STK32B: variants seen among roughly 807,000 people sequenced by gnomAD.
The protein encoded by STK32B is serine/threonine kinase 32B, also known as serine/threonine-protein kinase 32B.
STK32B carries 43 observed loss-of-function variants against 52.6 expected under a neutral mutation model. The ratio of observed to expected loss-of-function variants is 0.82; its 90% confidence interval spans 0.64 to 1.05. The LOEUF is 1.05. Among genes scored for constraint, STK32B ranks in the 50% least tolerant of loss-of-function variants. The pLI is 0.00. For synonymous variants in STK32B, 238 were observed against 204.3 expected, an observed-to-expected ratio of 1.17 and a Z score of -1.41; for missense variants, 621 against 534.6, an observed-to-expected ratio of 1.16 and a Z score of -1.59.
At chr4:5,232,275 A>T (rs1724324586) in intron 3 of STK32B, among the ~76,000 whole-genome samples, 2 of 152,208 alleles carry the variant, frequency 1.3e-5, no homozygotes. Context: ...ATGATTTAAT[A>T]ATATGTGGAC....
At chr4:5,337,147 T>A (rs940153250) in intron 4 of STK32B, among the ~76,000 whole-genome samples, 1 of 17,280 alleles carries the variant, frequency 5.8e-5, no homozygotes, top group Non-Finnish European at 8.3e-4. Context: ...CCTGGCCAAT[T>A]TTTTTTTTTT....
At chr4:5,436,859 C>A (rs550782319) in intron 6 of STK32B, among the ~76,000 whole-genome samples, 1 of 152,126 alleles carries the variant, frequency 6.6e-6, no homozygotes, top group African/African-American at 2.4e-5. Flanking sequence ...GTGGAGAACA[C>A]GATGAGTTTC....
rs564540081 is a variant in STK32B at position 5,420,842 on chromosome 4, T to C, written c.562+3908T>C. Among the ~76,000 whole-genome samples the C allele has an allele frequency of 7.2e-5, 11 of 152,262 alleles. No homozygotes were observed. In the South Asian group the frequency reaches 1.0e-3, roughly 14 times the overall value. ...ATGCTGTTTCCGAAAAGCAAATTGATGTCAAGGAGTGTAGATCCTGGACCA... is the reference window on the plus strand; with the variant it reads ...ATGCTGTTTCCGAAAAGCAAATTGACGTCAAGGAGTGTAGATCCTGGACCA... On this transcript the variant is annotated intron_variant, in intron 6 of 11. Coordinates refer to ENST00000282908, the MANE Select transcript of STK32B (RefSeq NM_018401.3).
intron 3 of STK32B, among the ~76,000 whole-genome samples, chr4:5,241,565 AT>A (rs1413494529): frequency 6.6e-6 from 1 of 151,476 alleles, no homozygotes; most frequent in African/African-American, 2.4e-5. Flanking sequence ...ATTTTATTTT[AT>A]TTTATTTATT....
chr4:5,160,047 A>G (rs148960880), intron 2 of STK32B, among the ~76,000 whole-genome samples: 5 of 152,158 alleles, frequency 3.3e-5, no homozygotes, highest in African/African-American at 9.6e-5. Context: ...CCTGTCTTCA[A>G]AGTCTACCAA....
At chr4:5,339,944 C>T (rs1056233021) in intron 4 of STK32B, among the ~76,000 whole-genome samples, 6 of 152,190 alleles carry the variant, frequency 3.9e-5, no homozygotes, top group Non-Finnish European at 5.9e-5. Flanking sequence ...CTCTGGGTGA[C>T]GAAACTCCAT....
At chr4:5,216,747 G>T (rs555231778) in intron 3 of STK32B, among the ~76,000 whole-genome samples, 1 of 152,170 alleles carries the variant, frequency 6.6e-6, no homozygotes, top group Non-Finnish European at 1.5e-5. Flanking sequence ...GCTTAAGAGG[G>T]TTGGGTTTGT....
At chr4:5,385,486 C>T (rs956330697) in intron 4 of STK32B, among the ~76,000 whole-genome samples, 1 of 151,966 alleles carries the variant, frequency 6.6e-6, no homozygotes, top group South Asian at 2.1e-4. Flanking sequence ...GGGGTTCTGG[C>T]TCCCTCTGCT....
At chr4:5,269,319 G>A (rs1183903578) in intron 3 of STK32B, among the ~76,000 whole-genome samples, 1 of 152,136 alleles carries the variant, frequency 6.6e-6, no homozygotes, top group Non-Finnish European at 1.5e-5. Context: ...GAACATAGAA[G>A]GGTCTCAGGA....
At chr4:5,312,521 A>G (rs185310242) in intron 3 of STK32B, among the ~76,000 whole-genome samples, 20 of 150,488 alleles carry the variant, frequency 1.3e-4, no homozygotes, top group Non-Finnish European at 4.4e-5. Flanking sequence ...CCCACCTGTG[A>G]GTGAGAACAT....
At chr4:5,332,049 A>G (rs1045843474) in intron 4 of STK32B, among the ~76,000 whole-genome samples, 2 of 152,188 alleles carry the variant, frequency 1.3e-5, no homozygotes, top group Non-Finnish European at 2.9e-5. Context: ...AAATTGGTTT[A>G]CCCATGGTCT....
At chr4:5,154,908 C>G (rs569823770) in intron 2 of STK32B, among the ~76,000 whole-genome samples, 10 of 152,334 alleles carry the variant, frequency 6.6e-5, no homozygotes, top group Non-Finnish European at 1.0e-4. Flanking sequence ...CATGAATTAG[C>G]TTGCTTGGTT....
At chr4:5,134,743 G>T (rs565409634) in intron 1 of STK32B, among the ~76,000 whole-genome samples, 2 of 152,230 alleles carry the variant, frequency 1.3e-5, no homozygotes, top group African/African-American at 4.8e-5. Context: ...GGAATGAGCC[G>T]CAGGTTTCAG....
intron 4 of STK32B, among the ~76,000 whole-genome samples, chr4:5,342,508 C>G (rs1378624543): frequency 6.6e-6 from 1 of 152,180 alleles, no homozygotes; most frequent in Non-Finnish European, 1.5e-5. Flanking sequence ...AATGAGAACA[C>G]TTGGCCATAC....
rs1483524617 is a variant in STK32B at position 5,467,364 on chromosome 4, G to A, written c.1041+530G>A. On this transcript the variant is annotated intron_variant, in intron 10 of 11. Transcript: ENST00000282908. The surrounding 1 kb of genome is among the most constrained non-coding windows in gnomAD (Gnocchi z 5.8). Reference sequence around the variant, plus strand: ...GCTCCCCAGGCTTCGAGTGGCGGCCGGCCCCCTTGTCCTTCGCTGGCTCGC... The same window carrying A: ...GCTCCCCAGGCTTCGAGTGGCGGCCAGCCCCCTTGTCCTTCGCTGGCTCGC... Among the ~76,000 whole-genome samples the A allele has an allele frequency of 1.3e-5, 2 of 152,108 alleles. No homozygotes were observed. Among genetic ancestry groups the A allele is most frequent in the East Asian group, 1.9e-4 (1 of 5,146 alleles).
Position 5,098,937 on chromosome 4 carries a change from A to G in STK32B, c.53-40968A>G, listed in dbSNP as rs572090717. ...GGAATATTAGTATCCTATTGCTGCC[A>G]TAACAAACTGCCATCTCCAGTGGCT... On this transcript the variant is annotated intron_variant, in intron 1 of 11. Transcript: ENST00000282908. Among the ~76,000 whole-genome samples the G allele has an allele frequency of 5.3e-5, 8 of 152,348 alleles. No individual in the cohort carries two copies. The South Asian group carries it at 1.7e-3, about 32-fold the overall frequency.
intron 11 of STK32B, among the ~76,000 whole-genome samples, chr4:5,489,946 C>T (rs910871906): frequency 6.6e-6 from 1 of 152,030 alleles, no homozygotes; most frequent in African/African-American, 2.4e-5. Context: ...TCTAGACAGA[C>T]ATATATACAT....
intron 2 of STK32B, among the ~76,000 whole-genome samples, chr4:5,156,206 A>G (rs542614394): frequency 6.6e-6 from 1 of 151,968 alleles, no homozygotes; most frequent in African/African-American, 2.4e-5. Context: ...CTATATGTAC[A>G]TACACTTACA....
At chr4:5,249,497 TCCTTCCTCCCTC>T (rs1560259501) in intron 3 of STK32B, among the ~76,000 whole-genome samples, 6 of 116,068 alleles carry the variant, frequency 5.2e-5, no homozygotes, top group Non-Finnish European at 1.1e-4. Context: ...CTTCCTTCCT[TCCTTCCTCCCTC>T]CCTTCCTTTA....
Sources: allele counts gnomAD v4.1 joint callset (sites outside exome capture counted in the v4.1 genomes callset), GRCh38; gene constraint gnomAD v4.1.1; non-coding constraint Gnocchi (gnomAD v3.1); transcripts MANE v1.5; gene names NCBI Gene and HGNC (gene_info 2026-07-23, HGNC 2026-07-21).